The following GALNT1 variants were observed in gnomAD, a reference collection of about 807,000 sequenced individuals.
GALNT1 encodes the protein polypeptide N-acetylgalactosaminyltransferase 1.
GALNT1 carries 17 observed loss-of-function variants against 65.7 expected under a neutral mutation model. The ratio of observed to expected loss-of-function variants is 0.26; its 90% CI spans 0.18 to 0.39. The LOEUF (loss-of-function observed/expected upper bound fraction) is 0.39, where lower values mean the gene tolerates loss of function less well. GALNT1 is among the 10% of genes least tolerant of loss of function. The pLI, the probability that GALNT1 is intolerant of heterozygous loss-of-function variation, is 1.00. For missense variants in GALNT1, 460 were observed against 672.8 expected, an observed-to-expected ratio of 0.68 and a Z score of 3.50; for synonymous variants, 210 against 219.7, an observed-to-expected ratio of 0.96 and a Z score of 0.39.
At position 35,613,249 on chromosome 18, in the gene GALNT1, T is replaced by G. The variant is rs545073781; in HGVS notation, c.-104+31387T>G. ...TATATTTGTTAATTCAATGAATTGC[T>G]TTTCCTTTGGCTTCTAGAAGTGGAT... On this transcript the variant is annotated intron_variant, in intron 1 of 11. Coordinates refer to ENST00000269195, the MANE Select transcript of GALNT1 (RefSeq NM_020474.4). 5.3e-5 allele frequency among the ~76,000 whole-genome samples: 8 copies of G among 152,312 alleles called. No homozygotes were observed. In the South Asian group the frequency reaches 1.4e-3, roughly 28 times the overall value.
intron 1 of GALNT1, among the ~76,000 whole-genome samples, chr18:35,603,869 A>T (rs118146652): frequency 6.6e-6 from 1 of 152,152 alleles, no homozygotes; most frequent in African/African-American, 2.4e-5. Flanking sequence ...AGGTATCCCA[A>T]CTGATGTAGT....
At chr18:35,626,294 G>A (rs1224153088) in intron 1 of GALNT1, among the ~76,000 whole-genome samples, 3 of 152,192 alleles carry the variant, frequency 2.0e-5, no homozygotes, top group South Asian at 2.1e-4. Flanking sequence ...AGACTGCTTA[G>A]TGTAGTGTTT....
At chr18:35,586,613 G>T (rs79388509) in intron 1 of GALNT1, among the ~76,000 whole-genome samples, 1,965 of 152,164 alleles carry the variant, frequency 0.013, 47 homozygotes, top group African/African-American at 0.045. Context: ...AATTGTGTGT[G>T]TGTTTGTGTG....
intron 1 of GALNT1, among the ~76,000 whole-genome samples, chr18:35,632,504 A>G (rs1364775545): frequency 7.2e-5 from 11 of 152,214 alleles, no homozygotes; most frequent in Admixed American, 7.2e-4. Flanking sequence ...CATATGTAGA[A>G]AGCTGAAACT....
intron 1 of GALNT1, among the ~76,000 whole-genome samples, chr18:35,639,859 C>T (rs1260607363): frequency 1.3e-5 from 2 of 152,032 alleles, no homozygotes; most frequent in Non-Finnish European, 2.9e-5. Flanking sequence ...TGCAGTGGTG[C>T]GATCTCAGCT....
chr18:35,649,854 T>C (rs1488337925), intron 1 of GALNT1, among the ~76,000 whole-genome samples: 1 of 152,224 alleles, frequency 6.6e-6, no homozygotes, highest in Non-Finnish European at 1.5e-5. Flanking sequence ...ACTGTATATG[T>C]GTGGATCTGT....
At chr18:35,691,259 T>A in intron 8 of GALNT1, 67 bp downstream of exon 8, 1 of 1,407,148 alleles carries the variant, frequency 7.1e-7, no homozygotes, top group Non-Finnish European at 9.6e-7. Context: ...GGAGGAGAAG[T>A]AAGAAGGTTA....
At chr18:35,592,502 C>T (rs963152732) in intron 1 of GALNT1, among the ~76,000 whole-genome samples, 11 of 152,012 alleles carry the variant, frequency 7.2e-5, no homozygotes, top group African/African-American at 2.2e-4. Flanking sequence ...GGCTGAAGGG[C>T]CATTGGTGCA....
At chr18:35,699,142 T>A (rs971209833) in intron 9 of GALNT1, among the ~76,000 whole-genome samples, 4 of 152,198 alleles carry the variant, frequency 2.6e-5, no homozygotes, top group Non-Finnish European at 5.9e-5. Context: ...TCAAATCTTA[T>A]AACTAATGTA....
intron 1 of GALNT1, among the ~76,000 whole-genome samples, chr18:35,598,694 G>A (rs2046537688): frequency 6.6e-6 from 1 of 152,228 alleles, no homozygotes; most frequent in East Asian, 1.9e-4. Flanking sequence ...ATAAACATGG[G>A]AGTGTCTATA....
At chr18:35,613,052 G>A (rs1018933272) in intron 1 of GALNT1, among the ~76,000 whole-genome samples, 1 of 152,134 alleles carries the variant, frequency 6.6e-6, no homozygotes, top group Non-Finnish European at 1.5e-5. Context: ...AGGCACTCAT[G>A]GTCCTCCCTA....
chr18:35,682,172 A>C (rs1358897167), intron 4 of GALNT1, among the ~76,000 whole-genome samples: 1 of 152,014 alleles, frequency 6.6e-6, no homozygotes, highest in Non-Finnish European at 1.5e-5. Flanking sequence ...TTTAGCTCAA[A>C]TATTAGAAAA....
intron 1 of GALNT1, among the ~76,000 whole-genome samples, chr18:35,589,635 T>G (rs991586080): frequency 2.0e-5 from 3 of 152,204 alleles, no homozygotes; most frequent in East Asian, 1.9e-4. Context: ...GTCCCTAGCC[T>G]TCTTCTCTCC....
At chr18:35,609,740 T>G (rs2046693246) in intron 1 of GALNT1, among the ~76,000 whole-genome samples, 1 of 152,190 alleles carries the variant, frequency 6.6e-6, no homozygotes, top group Non-Finnish European at 1.5e-5. Flanking sequence ...AGTGGATTTT[T>G]AAAAAATATT....
At chr18:35,608,222 A>G (rs2046675331) in intron 1 of GALNT1, among the ~76,000 whole-genome samples, 1 of 152,116 alleles carries the variant, frequency 6.6e-6, no homozygotes, top group East Asian at 1.9e-4. Context: ...TGCTATTATA[A>G]AAGGATGTTT....
intron 4 of GALNT1, among the ~76,000 whole-genome samples, chr18:35,678,321 A>G (rs1208126509): frequency 6.7e-6 from 1 of 149,784 alleles, no homozygotes; most frequent in Non-Finnish European, 1.5e-5. Flanking sequence ...TATGACTCTC[A>G]TAGTAAATCT....
At chr18:35,700,263 A>G (rs1381752817) in intron 9 of GALNT1, among the ~76,000 whole-genome samples, 1 of 152,200 alleles carries the variant, frequency 6.6e-6, no homozygotes, top group Non-Finnish European at 1.5e-5. Context: ...GAAGCCACAT[A>G]TTTGTTGAGC....
At chr18:35,685,256 T>C (rs570840008) in intron 5 of GALNT1, among the ~76,000 whole-genome samples, 129 of 152,152 alleles carry the variant, frequency 8.5e-4, no homozygotes, top group African/African-American at 3.0e-3. Flanking sequence ...AAAAAACATA[T>C]CATGATATCA....
chr18:35,629,733 A>G (rs2046977947), intron 1 of GALNT1, among the ~76,000 whole-genome samples: 2 of 152,186 alleles, frequency 1.3e-5, no homozygotes, highest in African/African-American at 4.8e-5. Flanking sequence ...CCTTAAATGT[A>G]AATGGGCTAA....
Sources: allele counts gnomAD v4.1 joint callset (sites outside exome capture counted in the v4.1 genomes callset), GRCh38; gene constraint gnomAD v4.1.1; transcripts MANE v1.5; gene names NCBI Gene and HGNC (gene_info 2026-07-23, HGNC 2026-07-21).